The following GRID1 variants were observed in gnomAD, a reference collection of about 807,000 sequenced individuals.
GRID1 encodes the protein glutamate ionotropic receptor delta type subunit 1, also known as glutamate receptor ionotropic, delta-1.
GRID1 carries 28 observed loss-of-function variants against 98.0 expected under a neutral mutation model. The observed-to-expected ratio is 0.29, with a 90% CI of 0.21 to 0.39. The LOEUF is 0.39. Among genes scored for constraint, GRID1 ranks in the 10% least tolerant of loss-of-function variants. The probability of loss-of-function intolerance (pLI) is 1.00; values close to 1 mark genes in which losing one functional copy is unlikely to be tolerated. For missense variants in GRID1, 1,111 were observed against 1,340.5 expected, an observed-to-expected ratio of 0.83 and a Z score of 2.67; for synonymous variants, 553 against 538.5, an observed-to-expected ratio of 1.03 and a Z score of -0.37.
At chr10:86,150,332 A>T (rs1344263414) in intron 3 of GRID1, among the ~76,000 whole-genome samples, 1 of 152,212 alleles carries the variant, frequency 6.6e-6, no homozygotes, top group Non-Finnish European at 1.5e-5. Flanking sequence ...CTTGTGAGGA[A>T]GGCTAACCAT....
At chr10:86,142,751 C>G (rs958362701) in intron 3 of GRID1, among the ~76,000 whole-genome samples, 6 of 152,202 alleles carry the variant, frequency 3.9e-5, no homozygotes, top group Non-Finnish European at 7.3e-5. Flanking sequence ...GTAGGGACAC[C>G]CATGTGGCCC....
intron 3 of GRID1, among the ~76,000 whole-genome samples, chr10:86,190,849 T>C (rs1383595869): frequency 6.6e-6 from 1 of 152,216 alleles, no homozygotes; most frequent in Non-Finnish European, 1.5e-5. Flanking sequence ...TTCACATGCA[T>C]GTGTCTATGT....
intron 4 of GRID1, among the ~76,000 whole-genome samples, chr10:86,111,414 A>C (rs1431637769): frequency 1.3e-5 from 2 of 152,252 alleles, no homozygotes; most frequent in African/African-American, 4.8e-5. Flanking sequence ...GCCTGGATAG[A>C]GAAAGCAATG....
At chr10:86,242,462 G>T (rs990101208) in intron 2 of GRID1, among the ~76,000 whole-genome samples, 2 of 152,222 alleles carry the variant, frequency 1.3e-5, no homozygotes, top group Non-Finnish European at 1.5e-5. Flanking sequence ...AAGGGCTCTT[G>T]ACGTATCCTG....
At chr10:86,249,083 G>A (rs1324790020) in intron 2 of GRID1, among the ~76,000 whole-genome samples, 1 of 152,202 alleles carries the variant, frequency 6.6e-6, no homozygotes, top group African/African-American at 2.4e-5. Context: ...GTGCAGGGCA[G>A]TCCACAAGGG....
intron 3 of GRID1, among the ~76,000 whole-genome samples, chr10:86,151,184 G>C (rs1481680971): frequency 6.6e-6 from 1 of 152,150 alleles, no homozygotes; most frequent in Non-Finnish European, 1.5e-5. Context: ...CAAGCTGAAG[G>C]CACGTGGGAA....
intron 2 of GRID1, among the ~76,000 whole-genome samples, chr10:86,320,886 T>G (rs1217270731): frequency 6.6e-6 from 1 of 151,884 alleles, no homozygotes; most frequent in Non-Finnish European, 1.5e-5. Context: ...GATCACGAGG[T>G]CAGGAGATCA....
chr10:85,602,605 G>A lies in GRID1; in HGVS notation c.2698C>T (p.Leu900Phe). ...AGGCCCCCCATCTCCAGGGCCGAGA[G>A]CTCAATCGACGCTGGGGAAATCTGC... The part of the protein sequence containing the change: ...HKQISPASIE[L>F]SALEMGGLAP... Residue 900 changes from leucine to phenylalanine, a missense_variant, in exon 16 of 16, where the codon CTC becomes TTC. Physicochemically the swap from Leu to Phe is conservative, Grantham distance 22. Coordinates refer to ENST00000327946, the MANE Select transcript of GRID1 (RefSeq NM_017551.3). 1 of 1,614,074 alleles carries A rather than the reference G, an allele frequency of 6.2e-7. No homozygotes were observed. The highest frequency in any genetic ancestry group is 8.5e-7 in the Non-Finnish European group (1 of 1,179,988).
chr10:85,911,885 C>T (rs565475799), intron 5 of GRID1, among the ~76,000 whole-genome samples: 8 of 152,288 alleles, frequency 5.3e-5, no homozygotes, highest in Middle Eastern at 3.4e-3. Context: ...AAAGAGGCTC[C>T]AAAAGCCACC....
At chr10:85,953,219 G>T (rs1465282283) in intron 4 of GRID1, among the ~76,000 whole-genome samples, 1 of 152,048 alleles carries the variant, frequency 6.6e-6, no homozygotes, top group Non-Finnish European at 1.5e-5. Flanking sequence ...CATGTCCTTT[G>T]CAGGGACATG....
At chr10:86,150,710 G>A (rs1845154896) in intron 3 of GRID1, among the ~76,000 whole-genome samples, 1 of 152,218 alleles carries the variant, frequency 6.6e-6, no homozygotes, top group African/African-American at 2.4e-5. Context: ...GGTATTAGAA[G>A]AGGGGGTTTT....
At chr10:85,831,128 T>TAAA (rs139587452) in intron 8 of GRID1, among the ~76,000 whole-genome samples, 23 of 150,004 alleles carry the variant, frequency 1.5e-4, no homozygotes, top group African/African-American at 4.9e-4. Context: ...TATGTAGCTA[T>TAAA]AAAAAAAAAA....
intron 4 of GRID1, among the ~76,000 whole-genome samples, chr10:86,100,766 G>A (rs184864430): frequency 3.9e-5 from 6 of 152,352 alleles, no homozygotes; most frequent in East Asian, 1.9e-4. Context: ...CACGCAGGAC[G>A]TGTCTTCTTG....
rs908877081 is a variant in GRID1 at position 85,916,813 on chromosome 10, T to C, written c.727-574A>G. On this transcript the variant is annotated intron_variant, in intron 4 of 15. Coordinates refer to ENST00000327946, the MANE Select transcript of GRID1 (RefSeq NM_017551.3). This position sits in a 1 kb window ranked among gnomAD's most constrained non-coding sequence, Gnocchi z 4.0. ...CTCTCTATTAGTGTTTTGTTCTGTT[T>C]CTTTATGGCACTTGCCATCTTTGTG... is the stretch of plus-strand genomic sequence containing the variant. Among the ~76,000 whole-genome samples the C allele has an allele frequency of 2.0e-5, 3 of 152,246 alleles. No individual in the cohort carries two copies. The highest frequency in any genetic ancestry group is 4.4e-5 in the Non-Finnish European group (3 of 68,046).
chr10:86,103,908 T>C (rs1041350770), intron 4 of GRID1, among the ~76,000 whole-genome samples: 2 of 152,172 alleles, frequency 1.3e-5, no homozygotes, highest in Non-Finnish European at 2.9e-5. Context: ...GGCACAGCCC[T>C]CATGGTGTTG....
intron 8 of GRID1, among the ~76,000 whole-genome samples, chr10:85,773,354 C>T (rs1165198388): frequency 6.6e-6 from 1 of 152,156 alleles, no homozygotes; most frequent in East Asian, 1.9e-4. Flanking sequence ...ATGACAAGCC[C>T]ACAGCCAATA....
chr10:86,361,008 C>T lies in GRID1; in HGVS notation c.235+2933G>A, dbSNP rs549937837. ...CTTTGCTCTCCATCCCTGACCACTCCGCTACTAAAAGTCTTTTTCTTTCCT... is the reference window on the plus strand; with the variant it reads ...CTTTGCTCTCCATCCCTGACCACTCTGCTACTAAAAGTCTTTTTCTTTCCT... On this transcript the variant is annotated intron_variant, in intron 2 of 15. Coordinates refer to ENST00000327946, the MANE Select transcript of GRID1 (RefSeq NM_017551.3). Among the ~76,000 whole-genome samples the T allele has an allele frequency of 7.2e-5, 11 of 152,322 alleles. 1 individual carries two copies. The highest frequency in any genetic ancestry group is 2.1e-4 in the South Asian group (1 of 4,816).
chr10:86,285,332 G>A (rs1358886359), intron 2 of GRID1, among the ~76,000 whole-genome samples: 1 of 152,168 alleles, frequency 6.6e-6, no homozygotes, highest in Non-Finnish European at 1.5e-5. Flanking sequence ...GGATCGCCCT[G>A]CACATGACAC....
At chr10:86,079,547 T>C (rs544530152) in intron 4 of GRID1, among the ~76,000 whole-genome samples, 2 of 152,048 alleles carry the variant, frequency 1.3e-5, no homozygotes, top group African/African-American at 2.4e-5. Context: ...GAAACCAGGG[T>C]CCACTTTGAA....
Sources: allele counts gnomAD v4.1 joint callset (sites outside exome capture counted in the v4.1 genomes callset), GRCh38; gene constraint gnomAD v4.1.1; non-coding constraint Gnocchi (gnomAD v3.1); transcripts MANE v1.5; gene names NCBI Gene and HGNC (gene_info 2026-07-23, HGNC 2026-07-21).